SNX29: variants seen among roughly 807,000 people sequenced by gnomAD.
SNX29 encodes sorting nexin 29, also known as sorting nexin-29.
Under a neutral mutation model 102.1 loss-of-function variants are expected in SNX29, and 78 were observed. The observed-to-expected ratio is 0.76, with a 90% CI of 0.64 to 0.92. SNX29 has a LOEUF of 0.92. Ranked by LOEUF, SNX29 falls within the 40% of genes least tolerant of loss-of-function variation. The pLI is 0.00. For missense variants in SNX29, 1,280 were observed against 1,061.7 expected, an observed-to-expected ratio of 1.21 and a Z score of -2.86; for synonymous variants, 580 against 414.5, an observed-to-expected ratio of 1.40 and a Z score of -4.85.
rs541146714 is a variant in SNX29 at position 12,192,589 on chromosome 16, G to T, written c.1596-7012G>T. Among the ~76,000 whole-genome samples, 12 of 152,282 alleles carry T rather than the reference G, an allele frequency of 7.9e-5. No homozygotes were observed. The East Asian group carries it at 2.1e-3, about 27-fold the overall frequency. ...TGCAATGGTGCGATCACAGCTCACTGCAGCCTGCAACTCCTGTGCTCAAGT... is the reference window on the plus strand; with the variant it reads ...TGCAATGGTGCGATCACAGCTCACTTCAGCCTGCAACTCCTGTGCTCAAGT... On this transcript the variant is annotated intron_variant, in intron 13 of 20. Transcript: ENST00000566228.
chr16:12,540,596 C>G (rs1431192877), intron 20 of SNX29, among the ~76,000 whole-genome samples: 1 of 151,794 alleles, frequency 6.6e-6, no homozygotes, highest in African/African-American at 2.4e-5. Flanking sequence ...ACTCTGGGAC[C>G]CTGAGATTCC....
Position 12,532,970 on chromosome 16 carries a change from G to A in SNX29, c.2318+8129G>A, listed in dbSNP as rs144324279. On this transcript the variant is annotated intron_variant, in intron 20 of 20. Coordinates refer to ENST00000566228, the MANE Select transcript of SNX29 (RefSeq NM_032167.5). The stretch of plus-strand genomic sequence containing the variant: ...GCTGCGGACCCAGGGAGCGGGTGGC[G>A]CAGCACGGCTGTGGTGGCATCCCTG... 5.2e-3 allele frequency among the ~76,000 whole-genome samples: 785 copies of A among 152,316 alleles called. 11 individuals are homozygous for A. The highest frequency in any genetic ancestry group is 5.9e-3 in the African/African-American group (246 of 41,576).
intron 20 of SNX29, among the ~76,000 whole-genome samples, chr16:12,552,514 A>T (rs530518501): frequency 6.6e-6 from 1 of 152,228 alleles, no homozygotes; most frequent in Non-Finnish European, 1.5e-5. Flanking sequence ...ATAGCCTGCC[A>T]AATGGGCCTT....
intron 18 of SNX29, among the ~76,000 whole-genome samples, chr16:12,458,567 A>C (rs1024388775): frequency 1.1e-4 from 16 of 152,258 alleles, no homozygotes; most frequent in Admixed American, 9.1e-4. Flanking sequence ...TAGAGGGAGA[A>C]AGGAAGTATT....
At chr16:12,036,961 C>G (rs916474711) in intron 4 of SNX29, among the ~76,000 whole-genome samples, 6 of 152,076 alleles carry the variant, frequency 3.9e-5, no homozygotes, top group African/African-American at 1.2e-4. Context: ...GGGGGTCTGC[C>G]TTCTCCCAAA....
At chr16:12,552,688 T>G (rs933166113) in intron 20 of SNX29, among the ~76,000 whole-genome samples, 1 of 151,978 alleles carries the variant, frequency 6.6e-6, no homozygotes, top group Non-Finnish European at 1.5e-5. Context: ...TTTACAAGGG[T>G]CGGGGGAAGA....
chr16:12,245,513 A>G (rs781004893), intron 14 of SNX29, among the ~76,000 whole-genome samples: 1 of 151,534 alleles, frequency 6.6e-6, no homozygotes, highest in Non-Finnish European at 1.5e-5. Context: ...GGAGATGCTG[A>G]CTTCTTCTAG....
At chr16:12,187,921 A>G (rs1289330463) in intron 13 of SNX29, among the ~76,000 whole-genome samples, 2 of 152,162 alleles carry the variant, frequency 1.3e-5, no homozygotes, top group East Asian at 1.9e-4. Context: ...AAATCGGATA[A>G]TCATTTTCTG....
intron 14 of SNX29, among the ~76,000 whole-genome samples, chr16:12,244,869 C>A (rs1215165189): frequency 1.3e-5 from 2 of 152,190 alleles, no homozygotes; most frequent in Non-Finnish European, 2.9e-5. Context: ...GTTACTGCTA[C>A]TTAATTTGAA....
At chr16:12,139,097 GA>G (rs2054769951) in intron 13 of SNX29, among the ~76,000 whole-genome samples, 1 of 146,780 alleles carries the variant, frequency 6.8e-6, no homozygotes. Context: ...AGCTACTCCA[GA>G]AGAATAAGAG....
At chr16:12,286,144 G>C (rs1222042633) in intron 15 of SNX29, among the ~76,000 whole-genome samples, 1 of 149,504 alleles carries the variant, frequency 6.7e-6, no homozygotes, top group African/African-American at 2.5e-5. Context: ...TGCCTGTCCT[G>C]TTTGTTTTTT....
intron 16 of SNX29, among the ~76,000 whole-genome samples, chr16:12,379,130 T>G (rs921938706): frequency 3.3e-5 from 5 of 152,224 alleles, no homozygotes; most frequent in Admixed American, 3.3e-4. Context: ...CTTCCTTTTC[T>G]TAAAAAAATA....
chr16:12,320,154 GAC>G (rs1427483115), intron 15 of SNX29, among the ~76,000 whole-genome samples: 1 of 152,140 alleles, frequency 6.6e-6, no homozygotes. Context: ...ACGCTTGAGA[GAC>G]AGAGTAAAGG....
rs2079237968 is a variant in SNX29, at chr16:12,573,899, C to G, written c.*5270C>G. On this transcript the variant is annotated 3_prime_UTR_variant, in exon 21 of 21. Transcript: ENST00000566228. The stretch of plus-strand genomic sequence containing the variant: ...CCTGGCTTAGCCGTCAGGTAGAACG[C>G]TTACTCACCTGACACCGACTTCTTA... The G allele has an allele frequency of 4.9e-6, 1 of 205,202 alleles. No individual in the cohort carries two copies. The highest frequency in any genetic ancestry group is 5.9e-5 in the Admixed American group (1 of 16,810). The allele number at this position is 205,202 out of a possible 1,614,324, so 12.7% of individuals were successfully genotyped here. A position where few individuals can be genotyped will look rare whatever the true frequency, so the allele number is the denominator to read the frequency against.
chr16:12,531,192 A>C (rs1194825097), intron 20 of SNX29, among the ~76,000 whole-genome samples: 1 of 152,202 alleles, frequency 6.6e-6, no homozygotes, highest in Non-Finnish European at 1.5e-5. Context: ...TGTGCAGAAC[A>C]GCTGCAAGAA....
intron 20 of SNX29, among the ~76,000 whole-genome samples, chr16:12,534,110 C>G (rs191407943): frequency 5.1e-4 from 78 of 152,328 alleles, no homozygotes; most frequent in Admixed American, 1.2e-3. Context: ...ATCGCGATGA[C>G]AAGGTGCTAA....
intron 13 of SNX29, among the ~76,000 whole-genome samples, chr16:12,171,118 G>A (rs2076140968): frequency 6.6e-6 from 1 of 152,114 alleles, no homozygotes; most frequent in African/African-American, 2.4e-5. Context: ...CATGGACCCT[G>A]TGGGACAGCC....
chr16:12,536,704 G>T (rs529630100), intron 20 of SNX29, among the ~76,000 whole-genome samples: 6 of 152,188 alleles, frequency 3.9e-5, no homozygotes, highest in Non-Finnish European at 8.8e-5. Context: ...GGGGCTGGAC[G>T]TGGTGGCTCA....
At chr16:12,068,081 C>A (rs1434198227) in intron 9 of SNX29, among the ~76,000 whole-genome samples, 2 of 152,128 alleles carry the variant, frequency 1.3e-5, no homozygotes, top group Non-Finnish European at 1.5e-5. Context: ...GCACTACAAG[C>A]AGGAGCAGTT....
Sources: allele counts gnomAD v4.1 joint callset (sites outside exome capture counted in the v4.1 genomes callset), GRCh38; gene constraint gnomAD v4.1.1; transcripts MANE v1.5; gene names NCBI Gene and HGNC (gene_info 2026-07-23, HGNC 2026-07-21).